Variants in FMN2 observed in about 807,000 individuals in gnomAD.
The protein encoded by FMN2 is formin 2.
FMN2 carries 51 observed loss-of-function variants against 142.3 expected under a neutral mutation model. The ratio of observed to expected loss-of-function variants is 0.36; its 90% CI spans 0.29 to 0.45. The LOEUF is 0.45. FMN2 is among the 20% of genes least tolerant of loss of function. The pLI, the probability that FMN2 is intolerant of heterozygous loss-of-function variation, is 1.00. For missense variants in FMN2, 1,936 were observed against 2,122.8 expected (o/e 0.91, Z 1.73); for synonymous variants, 882 against 869.8 (o/e 1.01, Z -0.25).
chr1:240,328,167 A>AAAAAAAAAAAAAAAAAAAAGAAAG (rs1558435720), intron 8 of FMN2, among the ~76,000 whole-genome samples: 27 of 141,142 alleles, frequency 1.9e-4, no homozygotes, highest in African/African-American at 7.2e-4. Context: ...AAAAAAAAAA[A>AAAAAAAAAAAAAAAAAAAAGAAAG]AAAAAGAAAA....
intron 14 of FMN2, among the ~76,000 whole-genome samples, chr1:240,388,040 T>C (rs543402243): frequency 2.5e-4 from 38 of 150,766 alleles, no homozygotes; most frequent in African/African-American, 9.3e-4. Flanking sequence ...AAGCCAGGCG[T>C]GGTGGCGGGT....
chr1:240,329,467 A>C lies in FMN2; in HGVS notation c.4436A>C (p.Glu1479Ala). The C allele has an allele frequency of 6.2e-7, 1 of 1,613,594 alleles. No individual in the cohort carries two copies. The highest frequency in any genetic ancestry group is 1.1e-5 in the South Asian group (1 of 90,950). The change falls in exon 10 of 18, where the codon GAG (glutamate) becomes GCG (alanine). Residue 1479 changes from glutamate (E) to alanine (A), a missense_variant and splice_region_variant. Coordinates refer to ENST00000319653, the MANE Select transcript of FMN2 (RefSeq NM_020066.5). ...CTGGAATTACTACAGAAATTGTGTG[A>C]GGTGAGTTCTGGTCCAAAGAGAGCT... The part of the protein sequence containing the change: ...RKLELLQKLC[E>A]TLKNGPGVMQ...
At chr1:240,465,805 G>T (rs59195244) in intron 16 of FMN2, among the ~76,000 whole-genome samples, 2 of 152,194 alleles carry the variant, frequency 1.3e-5, no homozygotes, top group Admixed American at 6.5e-5. Flanking sequence ...CTTGGCTTTC[G>T]GTCTGAAAGG....
intron 15 of FMN2, among the ~76,000 whole-genome samples, chr1:240,423,919 T>C (rs530801417): frequency 6.6e-6 from 1 of 152,292 alleles, no homozygotes; most frequent in Non-Finnish European, 1.5e-5. Flanking sequence ...AATTAATAAA[T>C]GATCTGTTCC....
At chr1:240,196,592 A>C (rs1431225741) in intron 4 of FMN2, among the ~76,000 whole-genome samples, 1 of 151,796 alleles carries the variant, frequency 6.6e-6, no homozygotes, top group Non-Finnish European at 1.5e-5. Context: ...GCTCACTGCA[A>C]CCTCCGCCTC....
In FMN2 at chr1:240,092,738, A is replaced by C. The variant is rs1458799973; in HGVS notation, c.629A>C (p.Gln210Pro). The C allele has an allele frequency of 6.2e-7, 1 of 1,613,160 alleles. No individual in the cohort carries two copies. The highest frequency in any genetic ancestry group is 1.1e-5 in the South Asian group (1 of 91,060). ...QQAIRLQQQQQQQLQLQLQQQ... is the reference protein window; with the variant it reads ...QQAIRLQQQQPQQLQLQLQQQ... ...GCGATCCGCCTGCAGCAGCAGCAGC[A>C]GCAGCAGCTCCAGCTCCAGCTCCAG... The change falls in exon 1 of 18, where the codon CAG (glutamine) becomes CCG (proline). Residue 210 changes from glutamine to proline, a missense_variant. By Grantham distance (76) the Gln-to-Pro change is moderately conservative. This residue lies in a region of FMN2 where 751 missense variants were observed against 791.8 expected (regional missense o/e 0.95). Transcript: ENST00000319653.
At chr1:240,333,836 A>G in intron 11 of FMN2, 51 bp from the exon 12 acceptor site, 5 of 1,393,844 alleles carry the variant, frequency 3.6e-6, no homozygotes, top group Non-Finnish European at 3.9e-6. Flanking sequence ...AACACTTTAT[A>G]TTTAATTAGT....
At chr1:240,339,434 T>A (rs1326350398) in intron 13 of FMN2, among the ~76,000 whole-genome samples, 1 of 152,140 alleles carries the variant, frequency 6.6e-6, no homozygotes, top group Non-Finnish European at 1.5e-5. Flanking sequence ...TAGGTTTCAG[T>A]ACCATCTGCT....
At chr1:240,179,137 A>G (rs1665047282) in intron 3 of FMN2, among the ~76,000 whole-genome samples, 1 of 152,114 alleles carries the variant, frequency 6.6e-6, no homozygotes, top group South Asian at 2.1e-4. Context: ...AATTATAGGC[A>G]TTTATATGAA....
intron 2 of FMN2, chr1:240,170,438 A>G: frequency 7.6e-7 from 1 of 1,313,122 alleles, no homozygotes; most frequent in South Asian, 1.2e-5. Context: ...GATAACTGTC[A>G]TCCCATTTTA....
chr1:240,332,982 T>C (rs548087958), intron 11 of FMN2, among the ~76,000 whole-genome samples: 241 of 152,324 alleles, frequency 1.6e-3, no homozygotes, highest in African/African-American at 5.6e-3. Flanking sequence ...GCTACATTAC[T>C]GACTCATGTC....
chr1:240,271,098 G>GTTTTTTTTTTTTTTTTTTTTTTTTT lies in FMN2; in HGVS notation c.4153+13085_4153+13086insTTTTTTTTTTTTTTTTTTTTTTTTT, dbSNP rs56686860. Among the ~76,000 whole-genome samples the GTTTTTTTTTTTTTTTTTTTTTTTTT allele has an allele frequency of 1.1e-3, 81 of 72,210 alleles. 8 individuals are homozygous for GTTTTTTTTTTTTTTTTTTTTTTTTT. The highest frequency in any genetic ancestry group is 1.5e-3 in the South Asian group (3 of 2,040). 47.4% of individuals were successfully genotyped at this position (72,210 alleles called of 152,430 possible). A position where few individuals can be genotyped will look rare whatever the true frequency, so the allele number is the denominator to read the frequency against. On this transcript the variant is annotated intron_variant, in intron 7 of 17. Transcript: ENST00000319653. ...ACCCCCCTAGGAACTTTCCACGATG[G>GTTTTTTTTTTTTTTTTTTTTTTTTT]TTTTTTTTTTTTTTTTTTTGTGACT... is the stretch of plus-strand genomic sequence containing the variant.
intron 15 of FMN2, among the ~76,000 whole-genome samples, chr1:240,434,948 ACT>A (rs1441626478): frequency 2.0e-5 from 3 of 151,408 alleles, no homozygotes. Flanking sequence ...TCTTCTGGAC[ACT>A]CTACGTCACA....
chr1:240,318,916 A>C (rs1670877745), intron 8 of FMN2, among the ~76,000 whole-genome samples: 1 of 152,164 alleles, frequency 6.6e-6, no homozygotes, highest in Non-Finnish European at 1.5e-5. Flanking sequence ...CGAGTTTTCC[A>C]GTTTACTGGA....
intron 13 of FMN2, among the ~76,000 whole-genome samples, chr1:240,334,983 C>T (rs1253819964): frequency 2.0e-5 from 3 of 152,034 alleles, no homozygotes; most frequent in Non-Finnish European, 2.9e-5. Flanking sequence ...CCTGGTTACC[C>T]CTGTCCAGAA....
intron 3 of FMN2, among the ~76,000 whole-genome samples, chr1:240,178,813 G>A (rs1665034038): frequency 6.6e-6 from 1 of 152,206 alleles, no homozygotes; most frequent in Admixed American, 6.5e-5. Flanking sequence ...TCTGAAGCAT[G>A]AGTGAGGAGT....
At chr1:240,359,433 G>A (rs1427588324) in intron 14 of FMN2, among the ~76,000 whole-genome samples, 1 of 152,062 alleles carries the variant, frequency 6.6e-6, no homozygotes, top group African/African-American at 2.4e-5. Context: ...AAGAAGCTAT[G>A]CCCAACACTG....
At chr1:240,290,090 A>C (rs1259279545) in intron 7 of FMN2, among the ~76,000 whole-genome samples, 1 of 152,172 alleles carries the variant, frequency 6.6e-6, no homozygotes, top group Non-Finnish European at 1.5e-5. Flanking sequence ...ACTGTTTCTT[A>C]TGTTGAGTCT....
intron 2 of FMN2, among the ~76,000 whole-genome samples, chr1:240,172,518 T>C (rs1664748461): frequency 6.6e-6 from 1 of 152,184 alleles, no homozygotes; most frequent in African/African-American, 2.4e-5. Context: ...CATTTGAATA[T>C]CACCATGTAA....
Sources: allele counts gnomAD v4.1 joint callset (sites outside exome capture counted in the v4.1 genomes callset), GRCh38; gene constraint gnomAD v4.1.1; regional missense constraint gnomAD v4.1.1; transcripts MANE v1.5; gene names NCBI Gene and HGNC (gene_info 2026-07-23, HGNC 2026-07-21).